Variants in SPAST observed in about 807,000 individuals in gnomAD.
SPAST encodes spastic paraplegia 4 (autosomal dominant; spastin).
Under a neutral mutation model 76.6 loss-of-function variants are expected in SPAST, and 30 were observed. That is an observed-to-expected ratio of 0.39 (90% CI 0.29 to 0.53). SPAST has a LOEUF of 0.53. Among genes scored for constraint, SPAST ranks in the 20% least tolerant of loss-of-function variants. The pLI is 0.68. For missense variants in SPAST, 717 were observed against 770.5 expected, an observed-to-expected ratio of 0.93 and a Z score of 0.82; for synonymous variants, 305 against 281.0, an observed-to-expected ratio of 1.09 and a Z score of -0.86.
chr2:32,086,258 GA>G (rs1409340178), intron 1 of SPAST, among the ~76,000 whole-genome samples: 1 of 151,764 alleles, frequency 6.6e-6, no homozygotes, highest in Non-Finnish European at 1.5e-5. Context: ...AGGAGTTCAA[GA>G]CCAGCCTGGG....
At chr2:32,133,257 G>A (rs1679430330) in intron 9 of SPAST, among the ~76,000 whole-genome samples, 1 of 152,176 alleles carries the variant, frequency 6.6e-6, no homozygotes, top group Non-Finnish European at 1.5e-5. Flanking sequence ...TAACTAACAT[G>A]TAGAAAAGTA....
chr2:32,120,940 T>G (rs946698840), intron 7 of SPAST, among the ~76,000 whole-genome samples: 1 of 152,200 alleles, frequency 6.6e-6, no homozygotes, highest in Non-Finnish European at 1.5e-5. Context: ...TCCATGAGTA[T>G]TTTGAAGGCA....
At position 32,109,015 on chromosome 2, in the gene SPAST, G is replaced by A. The variant is rs542570801; in HGVS notation, c.683-5623G>A. On this transcript the variant is annotated intron_variant, in intron 4 of 16. Coordinates refer to ENST00000315285, the MANE Select transcript of SPAST (RefSeq NM_014946.4). ...TCCTGACCTCGATCCACCTGCCTTG[G>A]CCTCCCACAGTGCTGGCATTACAGG... Among the ~76,000 whole-genome samples, 6 of 151,862 alleles carry A rather than the reference G, an allele frequency of 4.0e-5. No individual in the cohort carries two copies. In the South Asian group the frequency reaches 1.2e-3, roughly 32 times the overall value.
chr2:32,068,787 G>T (rs981967200), intron 1 of SPAST, among the ~76,000 whole-genome samples: 1 of 151,850 alleles, frequency 6.6e-6, no homozygotes, highest in Non-Finnish European at 1.5e-5. Context: ...CCAGCTACTC[G>T]GGAGGGTGAG....
intron 4 of SPAST, among the ~76,000 whole-genome samples, chr2:32,109,839 T>C (rs541717532): frequency 6.4e-4 from 95 of 149,180 alleles, no homozygotes; most frequent in African/African-American, 2.0e-3. Flanking sequence ...CATATGTATA[T>C]GCATATACAT....
intron 4 of SPAST, among the ~76,000 whole-genome samples, chr2:32,102,109 A>G (rs1000279927): frequency 2.0e-5 from 3 of 152,246 alleles, no homozygotes; most frequent in African/African-American, 7.2e-5. Context: ...ATCCATAAGC[A>G]TGGAATGTTC....
chr2:32,129,922 C>G (rs1395805964), intron 9 of SPAST: 1 of 152,526 alleles, frequency 6.6e-6, no homozygotes, highest in Non-Finnish European at 1.5e-5. Flanking sequence ...TCTCTTGAGC[C>G]TGAGAGGTTG....
intron 1 of SPAST, among the ~76,000 whole-genome samples, chr2:32,085,336 C>T (rs544624004): frequency 1.3e-5 from 2 of 151,570 alleles, no homozygotes; most frequent in East Asian, 3.9e-4. Context: ...TCTCCTCAGT[C>T]CCCCAAGTAG....
intron 1 of SPAST, among the ~76,000 whole-genome samples, chr2:32,069,864 A>G (rs1054741872): frequency 1.3e-5 from 2 of 151,978 alleles, no homozygotes; most frequent in African/African-American, 4.8e-5. Context: ...TGGCCTACTT[A>G]TCTTCTAATT....
intron 9 of SPAST, among the ~76,000 whole-genome samples, chr2:32,131,382 T>C (rs1225993775): frequency 6.6e-6 from 1 of 152,218 alleles, no homozygotes; most frequent in Non-Finnish European, 1.5e-5. Context: ...TTTAATTGTA[T>C]CTGATATCAC....
chr2:32,143,286 A>G (rs1163387988), intron 13 of SPAST, 50 bp from the exon 14 acceptor site: 2 of 1,118,848 alleles, frequency 1.8e-6, no homozygotes, highest in Admixed American at 3.6e-5. Flanking sequence ...AAAGAAAAGA[A>G]TCATTAATTC....
At position 32,126,857 on chromosome 2, in the gene SPAST, T is replaced by C. The variant is rs1679209571; in HGVS notation, c.1099-91T>C. 7.6e-6 allele frequency: 6 copies of C among 793,876 alleles called. No individual in the cohort carries two copies. In the South Asian group the frequency reaches 8.6e-5, roughly 11 times the overall value. 49.2% of individuals were successfully genotyped at this position (793,876 alleles called of 1,614,324 possible). On this transcript the variant is annotated intron_variant, in intron 7 of 16. Coordinates refer to ENST00000315285, the MANE Select transcript of SPAST (RefSeq NM_014946.4). ...CTATGGGCAGCTCTGTTTGGGAAGA[T>C]GCTACTGAAAAAAGGATGCTTTTTA... is the stretch of plus-strand genomic sequence containing the variant.
intron 8 of SPAST, 85 bp downstream of exon 8, chr2:32,127,107 T>TA: frequency 2.2e-6 from 2 of 911,110 alleles, no homozygotes; most frequent in Non-Finnish European, 1.8e-6. Flanking sequence ...TCCTTGAGTC[T>TA]ATTATTTACG....
intron 1 of SPAST, among the ~76,000 whole-genome samples, chr2:32,071,656 C>T (rs992231261): frequency 6.6e-6 from 1 of 152,130 alleles, no homozygotes; most frequent in Admixed American, 6.6e-5. Flanking sequence ...GGCAGGAAAA[C>T]TAGAAGTTGG....
intron 1 of SPAST, among the ~76,000 whole-genome samples, chr2:32,068,868 C>T (rs1261568487): frequency 2.0e-5 from 3 of 148,416 alleles, no homozygotes; most frequent in East Asian, 4.0e-4. Context: ...GCACTCCTGC[C>T]TGGGTGAGAA....
chr2:32,087,665 A>ATTTATTTT, intron 2 of SPAST, 87 bp downstream of exon 2: 1 of 398,890 alleles, frequency 2.5e-6, no homozygotes, highest in Non-Finnish European at 4.1e-6. Flanking sequence ...TTATTTATTT[A>ATTTATTTT]TTTTTCTTTC....
chr2:32,085,947 C>A (rs190354996), intron 1 of SPAST, among the ~76,000 whole-genome samples: 210 of 150,664 alleles, frequency 1.4e-3, no homozygotes, highest in Non-Finnish European at 2.0e-3. Context: ...GAGGCTGAGG[C>A]AGGAGAATCG....
At chr2:32,067,126 A>G (rs113548762) in intron 1 of SPAST, among the ~76,000 whole-genome samples, 2,039 of 152,048 alleles carry the variant, frequency 0.013, 50 homozygotes, top group African/African-American at 0.045. Context: ...CAATGGTATG[A>G]TCTTGGCTCA....
At chr2:32,134,829 G>A (rs1382905309) in intron 9 of SPAST, among the ~76,000 whole-genome samples, 2 of 151,998 alleles carry the variant, frequency 1.3e-5, no homozygotes, top group Non-Finnish European at 2.9e-5. Context: ...CCGAGTAGCT[G>A]GGATTACAGG....
Sources: gnomAD v4.1 joint callset for allele counts (sites outside exome capture counted in the v4.1 genomes callset) on GRCh38, gnomAD v4.1.1 for gene constraint, MANE v1.5 for transcripts, NCBI Gene and HGNC (gene_info 2026-07-23, HGNC 2026-07-21) for gene names.